The following MAML2 variants were observed in gnomAD, a reference collection of about 807,000 sequenced individuals.
The protein encoded by MAML2 is mastermind-like protein 2.
In MAML2, 22 loss-of-function variants were observed where a neutral mutation model predicts 96.1. That is an observed-to-expected ratio of 0.23 (90% CI 0.16 to 0.33). The LOEUF (loss-of-function observed/expected upper bound fraction) is 0.33, where lower values mean the gene tolerates loss of function less well. Ranked by LOEUF, MAML2 falls within the 10% of genes least tolerant of loss-of-function variation. MAML2 has a pLI of 1.00. For synonymous variants in MAML2, 561 were observed against 521.3 expected (o/e 1.08, Z -1.04); for missense variants, 1,367 against 1,392.4 (o/e 0.98, Z 0.29).
intron 1 of MAML2, among the ~76,000 whole-genome samples, chr11:96,269,017 G>T (rs1387126291): frequency 6.9e-6 from 1 of 145,006 alleles, no homozygotes; most frequent in African/African-American, 2.6e-5. Flanking sequence ...CTAAAACTGA[G>T]AAACATACTC....
At chr11:96,308,111 C>T (rs2136002550) in intron 1 of MAML2, among the ~76,000 whole-genome samples, 1 of 152,242 alleles carries the variant, frequency 6.6e-6, no homozygotes, top group East Asian at 1.9e-4. Flanking sequence ...TTTGGGATCA[C>T]CCGACCTCAG....
At chr11:96,100,612 TTTG>T (rs999566591) in intron 1 of MAML2, among the ~76,000 whole-genome samples, 9 of 151,534 alleles carry the variant, frequency 5.9e-5, no homozygotes, top group Admixed American at 5.3e-4. Context: ...ACCTGGCCTT[TTTG>T]TTGTTGTCTT....
At chr11:96,273,326 AT>A (rs946208346) in intron 1 of MAML2, among the ~76,000 whole-genome samples, 6 of 151,654 alleles carry the variant, frequency 4.0e-5, no homozygotes, top group South Asian at 2.1e-4. Context: ...CTTGAAACGT[AT>A]TTTTTTTTAA....
chr11:96,009,947 G>T (rs1858241624), intron 2 of MAML2, among the ~76,000 whole-genome samples: 1 of 152,124 alleles, frequency 6.6e-6, no homozygotes, highest in Non-Finnish European at 1.5e-5. Context: ...GGCCTAACAG[G>T]ATTTATAAGG....
intron 1 of MAML2, among the ~76,000 whole-genome samples, chr11:96,294,626 G>A (rs147128342): frequency 0.01 from 1,596 of 152,240 alleles, 20 homozygotes; most frequent in Non-Finnish European, 0.011. Context: ...CACATGTAAC[G>A]AATTCTTACC....
intron 1 of MAML2, among the ~76,000 whole-genome samples, chr11:96,228,210 G>A (rs536150347): frequency 3.7e-4 from 56 of 152,110 alleles, no homozygotes; most frequent in Non-Finnish European, 7.1e-4. Context: ...TGGCCACATC[G>A]GGTTTCCAGA....
chr11:96,086,741 G>A (rs902239424), intron 2 of MAML2, among the ~76,000 whole-genome samples: 25 of 152,138 alleles, frequency 1.6e-4, no homozygotes, highest in African/African-American at 6.0e-4. Flanking sequence ...GTGAATAGAA[G>A]CTTAGCTAGA....
In MAML2 at chr11:96,028,407, G is replaced by A. The variant is rs191863035; in HGVS notation, c.2140-36684C>T. ...TCCACTTCCCCTGGGAGGCCTCCTC[G>A]ACCCCAAGATTAATTTAAGTGTCCC... On this transcript the variant is annotated intron_variant, in intron 2 of 4. Coordinates refer to ENST00000524717, the MANE Select transcript of MAML2 (RefSeq NM_032427.4). 3.8e-3 allele frequency among the ~76,000 whole-genome samples: 580 copies of A among 152,108 alleles called. 3 individuals are homozygous for A. The highest frequency in any genetic ancestry group is 0.028 in the South Asian group (135 of 4,824).
chr11:96,004,818 C>T (rs1858151401), intron 2 of MAML2, among the ~76,000 whole-genome samples: 2 of 152,118 alleles, frequency 1.3e-5, no homozygotes, highest in Non-Finnish European at 2.9e-5. Flanking sequence ...CAGTCTCTGG[C>T]CCCTATGAGG....
chr11:96,013,715 C>T (rs1430151411), intron 2 of MAML2, among the ~76,000 whole-genome samples: 10 of 152,302 alleles, frequency 6.6e-5, no homozygotes, highest in South Asian at 4.1e-4. Flanking sequence ...AGGACACTGG[C>T]GGGACGAGGT....
intron 1 of MAML2, among the ~76,000 whole-genome samples, chr11:96,298,867 C>A (rs1387575495): frequency 6.9e-6 from 1 of 145,752 alleles, no homozygotes; most frequent in East Asian, 2.0e-4. Flanking sequence ...ACAGTGAAAC[C>A]CCGTCTCTAC....
intron 1 of MAML2, among the ~76,000 whole-genome samples, chr11:96,099,644 GA>G (rs933843006): frequency 2.3e-4 from 35 of 152,066 alleles, no homozygotes; most frequent in African/African-American, 8.2e-4. Flanking sequence ...TGGGAAACGG[GA>G]TCCTTCTAAC....
intron 1 of MAML2, among the ~76,000 whole-genome samples, chr11:96,192,658 T>A (rs996711962): frequency 6.6e-6 from 1 of 152,252 alleles, no homozygotes; most frequent in Non-Finnish European, 1.5e-5. Flanking sequence ...TTTGTCTATA[T>A]GCTAGCATTC....
At chr11:96,294,497 G>A (rs1565275733) in intron 1 of MAML2, among the ~76,000 whole-genome samples, 2 of 152,164 alleles carry the variant, frequency 1.3e-5, no homozygotes, top group Non-Finnish European at 2.9e-5. Flanking sequence ...TTGACATCTT[G>A]CTACAAGCAG....
In MAML2 at chr11:95,978,042, T is replaced by G. The variant is rs1006995061; in HGVS notation, c.*906A>C. On this transcript the variant is annotated 3_prime_UTR_variant, in exon 5 of 5. Transcript: ENST00000524717. The stretch of plus-strand genomic sequence containing the variant: ...TAGGGAGGACGAGGTTCAATTTCAC[T>G]CAGCTTGGGAACAAACCAGCAGGCA... The G allele has an allele frequency of 1.3e-4, 28 of 218,952 alleles. No homozygotes were observed. Among genetic ancestry groups the G allele is most frequent in the African/African-American group, 6.3e-4 (28 of 44,554 alleles). 13.6% of individuals were successfully genotyped at this position (218,952 alleles called of 1,614,324 possible). A position where few individuals can be genotyped will look rare whatever the true frequency, so the allele number is the denominator to read the frequency against.
intron 1 of MAML2, among the ~76,000 whole-genome samples, chr11:96,232,313 A>C (rs955866952): frequency 6.6e-6 from 1 of 152,208 alleles, no homozygotes; most frequent in African/African-American, 2.4e-5. Context: ...TTAAGTGAGA[A>C]ATTGTTTGGC....
In MAML2 at chr11:95,985,595, T is replaced by C. The variant is rs748312846; in HGVS notation, c.2391A>G (p.Pro797=). ...TTCTTTGGTCTTTATAATCTGGAGG[T>C]GGCCTTGACAAATGTCGGTTTATCT... ...QDQINRHLSR[P]PPDYKDQRRN... The change falls in exon 4 of 5, where the codon CCA becomes CCG. Residue 797 remains proline (P), a synonymous_variant. Transcript: ENST00000524717. The C allele has an allele frequency of 1.2e-6, 2 of 1,612,896 alleles. No homozygotes were observed. Among genetic ancestry groups the C allele is most frequent in the Non-Finnish European group, 1.7e-6 (2 of 1,179,328 alleles).
At chr11:95,985,709 A>C (rs941512576) in intron 3 of MAML2, 67 bp from the exon 4 acceptor site, 4 of 1,034,310 alleles carry the variant, frequency 3.9e-6, no homozygotes, top group African/African-American at 1.6e-5. Context: ...AATACATGTA[A>C]AATTTTGTAA....
intron 2 of MAML2, among the ~76,000 whole-genome samples, chr11:96,042,373 C>T (rs905054512): frequency 1.3e-5 from 2 of 152,004 alleles, no homozygotes; most frequent in East Asian, 1.9e-4. Context: ...CCACCTGCCT[C>T]GGCCTCCCAA....
Sources: gnomAD v4.1 joint callset for allele counts (sites outside exome capture counted in the v4.1 genomes callset) on GRCh38, gnomAD v4.1.1 for gene constraint, MANE v1.5 for transcripts, NCBI Gene and HGNC (gene_info 2026-07-23, HGNC 2026-07-21) for gene names.